The following AOPEP variants were observed in gnomAD, a reference collection of about 807,000 sequenced individuals.
The protein encoded by AOPEP is aminopeptidase O.
A neutral mutation model predicts 98.1 loss-of-function variants in AOPEP; 77 were observed. The ratio of observed to expected loss-of-function variants is 0.78; its 90% CI spans 0.65 to 0.95. The LOEUF (loss-of-function observed/expected upper bound fraction) is 0.95. Among genes scored for constraint, AOPEP ranks in the 40% least tolerant of loss-of-function variants. AOPEP has a pLI of 0.00. For synonymous variants in AOPEP, 346 were observed against 365.3 expected (o/e 0.95, Z 0.60); for missense variants, 1,024 against 1,024.7 (o/e 1.00, Z 0.01).
At chr9:95,029,910 A>G (rs569293541) in intron 13 of AOPEP, among the ~76,000 whole-genome samples, 18 of 152,176 alleles carry the variant, frequency 1.2e-4, no homozygotes, top group Admixed American at 1.2e-3. Flanking sequence ...CTGGGAGTCC[A>G]GTTCATGTTG....
chr9:95,093,406 G>C, the AOPEP span, among the ~76,000 whole-genome samples: 8 of 152,154 alleles, frequency 5.3e-5, no homozygotes, highest in Non-Finnish European at 1.2e-4. Flanking sequence ...CGGTGACTAC[G>C]GTGCAAGGAT....
Position 95,086,831 on chromosome 9 carries a change from A to G in AOPEP, c.*154A>G. The G allele has an allele frequency of 1.0e-6, 1 of 988,010 alleles. No homozygotes were observed. The highest frequency in any genetic ancestry group is 1.2e-6 in the Non-Finnish European group (1 of 830,140). 61.2% of individuals were successfully genotyped at this position (988,010 alleles called of 1,614,324 possible). On this transcript the variant is annotated 3_prime_UTR_variant, in exon 17 of 17. Transcript: ENST00000375315. ...ACATCTTGGTGCTTCTCTTTCCCAGAGGCTGGTCCCAGCCAGGCACACACA... is the reference window on the plus strand; with the variant it reads ...ACATCTTGGTGCTTCTCTTTCCCAGGGGCTGGTCCCAGCCAGGCACACACA...
chr9:94,810,436 T>C (rs1850280932), intron 5 of AOPEP, among the ~76,000 whole-genome samples: 1 of 151,582 alleles, frequency 6.6e-6, no homozygotes, highest in South Asian at 2.1e-4. Flanking sequence ...TGCCTCAGCC[T>C]CCCGAGTAGA....
rs1171949519 is a variant in AOPEP at position 95,005,602 on chromosome 9, G to C, written c.2101G>C (p.Glu701Gln). ...AAAACGGAAGCGCAGGGAGAAGGAA[G>C]AGGTGTTTGAAAAGGTAGGGGTTCC... is the stretch of plus-strand genomic sequence containing the variant. ...PRKRKRREKE[E>Q]VFEKLLPDQL... Residue 701 changes from glutamate to glutamine, a missense_variant, in exon 13 of 17, where the codon GAG becomes CAG. Physicochemically the swap from Glu to Gln is conservative, Grantham distance 29 (BLOSUM62 2). Around this residue, in one of 3 missense-constraint regions of AOPEP, gnomAD observed 566 missense variants for 551.7 expected, o/e 1.03. Coordinates refer to ENST00000375315, the MANE Select transcript of AOPEP (RefSeq NM_001193329.3). The C allele has an allele frequency of 6.2e-7, 1 of 1,614,092 alleles. No individual in the cohort carries two copies. The highest frequency in any genetic ancestry group is 2.2e-5 in the East Asian group (1 of 44,876).
At chr9:95,087,620 A>C (rs1473928184), downstream of AOPEP, among the ~76,000 whole-genome samples, 2 of 151,860 alleles carry the variant, frequency 1.3e-5, no homozygotes, top group African/African-American at 4.8e-5. Flanking sequence ...TGAAAACAAA[A>C]GTAATTTGGC....
Position 95,005,547 on chromosome 9 carries a change from G to A in AOPEP, c.2046G>A (p.Thr682=), listed in dbSNP as rs898524781. ...GLARQVRAEV[T]KWIGVNRRPR... ...CTGTGGTTTTTGAACCTCAGGTCAC[G>A]AAATGGATTGGAGTGAACCGGAGAC... Residue 682 remains threonine, a synonymous_variant, in exon 13 of 17, where the codon ACG becomes ACA. Coordinates refer to ENST00000375315, the MANE Select transcript of AOPEP (RefSeq NM_001193329.3). 5.6e-6 allele frequency: 9 copies of A among 1,613,862 alleles called. No individual in the cohort carries two copies. The highest frequency in any genetic ancestry group is 7.6e-6 in the Non-Finnish European group (9 of 1,179,916).
At chr9:95,041,367 A>C (rs1461617041) in intron 13 of AOPEP, among the ~76,000 whole-genome samples, 5 of 152,050 alleles carry the variant, frequency 3.3e-5, no homozygotes, top group African/African-American at 4.8e-5. Flanking sequence ...ATTTAAAAAA[A>C]AAAAATCATC....
At chr9:95,041,772 T>C (rs2065336498) in intron 13 of AOPEP, among the ~76,000 whole-genome samples, 1 of 152,098 alleles carries the variant, frequency 6.6e-6, no homozygotes, top group Non-Finnish European at 1.5e-5. Context: ...TTGACACGCT[T>C]TGCCTCGGCC....
At chr9:95,081,804 A>G (rs2069820215) in intron 15 of AOPEP, among the ~76,000 whole-genome samples, 1 of 152,192 alleles carries the variant, frequency 6.6e-6, no homozygotes, top group Non-Finnish European at 1.5e-5. Context: ...TTGAACCCTT[A>G]ACTACGAAGT....
chr9:94,853,169 A>G (rs1313674951), intron 5 of AOPEP, among the ~76,000 whole-genome samples: 2 of 152,212 alleles, frequency 1.3e-5, no homozygotes, highest in South Asian at 2.1e-4. Context: ...ATTAGATTTT[A>G]TTGAACAAGG....
At chr9:95,102,827 A>G in the AOPEP span, among the ~76,000 whole-genome samples, 2 of 152,218 alleles carry the variant, frequency 1.3e-5, no homozygotes, top group African/African-American at 4.8e-5. Context: ...ACGCAGAGCT[A>G]AGAGTAAACG....
At chr9:94,727,304 G>A (rs1050911264) in intron 1 of AOPEP, among the ~76,000 whole-genome samples, 1 of 152,100 alleles carries the variant, frequency 6.6e-6, no homozygotes, top group Non-Finnish European at 1.5e-5. Flanking sequence ...GGCGGGGAGG[G>A]GGTGGCACAG....
chr9:95,120,257 T>C, the AOPEP span, among the ~76,000 whole-genome samples: 1 of 152,216 alleles, frequency 6.6e-6, no homozygotes, highest in African/African-American at 2.4e-5. Flanking sequence ...CAGCATCATT[T>C]GTTGAAAACG....
At chr9:95,126,712 G>A in the AOPEP span, 1 of 891,464 alleles carries the variant, frequency 1.1e-6, no homozygotes, top group Non-Finnish European at 1.8e-6. Flanking sequence ...TTGGTTAGAA[G>A]AACGAACCAC....
intron 5 of AOPEP, among the ~76,000 whole-genome samples, chr9:94,822,667 G>A (rs1176666921): frequency 1.3e-5 from 2 of 152,044 alleles, no homozygotes; most frequent in African/African-American, 2.4e-5. Flanking sequence ...TTCATTGCTC[G>A]GAAATTAAGA....
intron 13 of AOPEP, among the ~76,000 whole-genome samples, chr9:95,043,340 T>C (rs1308579059): frequency 6.6e-6 from 1 of 151,410 alleles, no homozygotes; most frequent in Non-Finnish European, 1.5e-5. Flanking sequence ...GAAAAAGTCA[T>C]TTGCATTTCG....
At position 94,955,830 on chromosome 9, in the gene AOPEP, G is replaced by A. The variant is rs1007573434; in HGVS notation, c.1765-78G>A. The A allele has an allele frequency of 2.6e-5, 24 of 938,992 alleles. No homozygotes were observed. In the Admixed American group the frequency reaches 4.7e-4, roughly 18 times the overall value. 58.2% of individuals were successfully genotyped at this position (938,992 alleles called of 1,614,324 possible). On this transcript the variant is annotated intron_variant, in intron 8 of 16. Transcript: ENST00000375315. ...AGATGCACAAGTGCACTATGGGTTAGGTAGGGCTGACTATATAACCATTTT... is the reference window on the plus strand; with the variant it reads ...AGATGCACAAGTGCACTATGGGTTAAGTAGGGCTGACTATATAACCATTTT...
chr9:95,026,423 C>G (rs2063839538), intron 13 of AOPEP, among the ~76,000 whole-genome samples: 1 of 152,196 alleles, frequency 6.6e-6, no homozygotes, highest in African/African-American at 2.4e-5. Flanking sequence ...AGTTTCTGGA[C>G]ATTTCATATC....
At chr9:94,751,683 G>A (rs1428769050) in intron 1 of AOPEP, among the ~76,000 whole-genome samples, 2 of 151,430 alleles carry the variant, frequency 1.3e-5, no homozygotes, top group Non-Finnish European at 1.5e-5. Flanking sequence ...ATAATAAAAG[G>A]TAATCTATAG....
Sources: gnomAD v4.1 joint callset for allele counts (sites outside exome capture counted in the v4.1 genomes callset) on GRCh38, gnomAD v4.1.1 for gene constraint, gnomAD v4.1.1 regional missense constraint, MANE v1.5 for transcripts, NCBI Gene and HGNC (gene_info 2026-07-23, HGNC 2026-07-21) for gene names.